TPRX1: variants seen among roughly 807,000 people sequenced by gnomAD.
TPRX1 encodes the protein tetrapeptide repeat homeobox 1, also known as tetra-peptide repeat homeobox protein 1.
A neutral mutation model predicts 8.1 loss-of-function variants in TPRX1; 2 were observed. The ratio of observed to expected loss-of-function variants is 0.25; its 90% CI spans 0.10 to 0.78. TPRX1 has a LOEUF of 0.78. Ranked by LOEUF, TPRX1 falls within the 30% of genes least tolerant of loss-of-function variation. The pLI, the probability that TPRX1 is intolerant of heterozygous loss-of-function variation, is 0.70. For synonymous variants in TPRX1, 257 were observed against 254.1 expected (o/e 1.01, Z -0.11); for missense variants, 517 against 586.9 (o/e 0.88, Z 1.23).
At chr19:47,802,270 G>A in exon 4 of TPRX1, 1 of 1,566,230 alleles carries the variant, frequency 6.4e-7, no homozygotes, top group Non-Finnish European at 8.7e-7. Context: ...TCAGGCCTGG[G>A]TTCGGGCCTG....
rs571556474 is a variant in TPRX1, at chr19:47,816,689, C to T, written c.151+1779G>A. On this transcript the variant is annotated intron_variant, in intron 2 of 3. Coordinates refer to ENST00000535759, the Ensembl canonical transcript of TPRX1. ...CTGGGACTACAGGCGCCCGCCACCACGCCCGGCTATTTTTTGTATTTTTTA... is the reference window on the plus strand; with the variant it reads ...CTGGGACTACAGGCGCCCGCCACCATGCCCGGCTATTTTTTGTATTTTTTA... Among the ~76,000 whole-genome samples the T allele has an allele frequency of 2.8e-3, 425 of 151,916 alleles. 1 individual carries two copies. The highest frequency in any genetic ancestry group is 5.1e-3 in the Non-Finnish European group (345 of 67,934).
intron 2 of TPRX1, among the ~76,000 whole-genome samples, 95 bp from the exon 1 acceptor site, chr19:47,804,646 C>G (rs2910401): frequency 0.042 from 6,182 of 148,662 alleles, 114 homozygotes; most frequent in Middle Eastern, 0.076. Context: ...GGGACCCTCC[C>G]TTTCCCACCC....
intron 2 of TPRX1, among the ~76,000 whole-genome samples, chr19:47,814,833 C>T (rs1380412734): frequency 6.6e-6 from 1 of 151,980 alleles, no homozygotes; most frequent in African/African-American, 2.4e-5. Flanking sequence ...GAGTTTCGCT[C>T]TTGTCGCCCA....
intron 2 of TPRX1, among the ~76,000 whole-genome samples, chr19:47,809,280 T>G (rs895026035): frequency 2.6e-5 from 4 of 152,128 alleles, no homozygotes; most frequent in Non-Finnish European, 5.9e-5. Context: ...TTCTTTTCTT[T>G]TTCTTTCCTT....
intron 2 of TPRX1, among the ~76,000 whole-genome samples, chr19:47,807,352 G>A (rs998223502): frequency 1.3e-5 from 2 of 151,904 alleles, no homozygotes; most frequent in Admixed American, 6.6e-5. Context: ...CAGCGTGCCC[G>A]GCCTGAATTG....
chr19:47,809,965 C>T (rs1283199413), intron 2 of TPRX1, among the ~76,000 whole-genome samples: 1 of 151,888 alleles, frequency 6.6e-6, no homozygotes, highest in Admixed American at 6.6e-5. Flanking sequence ...ATTATGAAAT[C>T]CATTCTTGGC....
chr19:47,806,146 C>G (rs928708739), intron 2 of TPRX1, among the ~76,000 whole-genome samples: 24 of 152,138 alleles, frequency 1.6e-4, no homozygotes, highest in Admixed American at 1.3e-3. Context: ...TGGTTGAACC[C>G]GGGAGGCGGA....
chr19:47,804,953 G>A (rs1273760225), intron 2 of TPRX1, among the ~76,000 whole-genome samples: 1 of 152,190 alleles, frequency 6.6e-6, no homozygotes, highest in African/African-American at 2.4e-5. Flanking sequence ...ACCAATGCCG[G>A]TGAGTCTACC....
At chr19:47,802,889 G>A (rs1307712537) in exon 4 of TPRX1, 1 of 1,579,632 alleles carries the variant, frequency 6.3e-7, no homozygotes, top group African/African-American at 1.3e-5. Flanking sequence ...CGCAGCGCGG[G>A]CTCCTCGGCC....
intron 2 of TPRX1, among the ~76,000 whole-genome samples, chr19:47,807,197 C>T (rs927032997): frequency 2.6e-5 from 4 of 152,172 alleles, no homozygotes; most frequent in Admixed American, 1.3e-4. Flanking sequence ...TGAAACACCG[C>T]GCCCGGCCAA....
chr19:47,802,147 T>TAAG (rs779066335), exon 4 of TPRX1: 1 of 1,592,622 alleles, frequency 6.3e-7, no homozygotes, highest in African/African-American at 1.3e-5. Context: ...GGCCAGGACT[T>TAAG]AAGATGGGAC....
intron 2 of TPRX1, among the ~76,000 whole-genome samples, chr19:47,806,332 G>A (rs1007200033): frequency 6.6e-6 from 1 of 152,024 alleles, no homozygotes; most frequent in East Asian, 1.9e-4. Flanking sequence ...CAGCTTGGTC[G>A]ACATGGTGAA....
intron 2 of TPRX1, among the ~76,000 whole-genome samples, chr19:47,814,229 T>A (rs927312733): frequency 2.0e-5 from 3 of 152,016 alleles, no homozygotes; most frequent in Non-Finnish European, 4.4e-5. Flanking sequence ...CATATTTTCG[T>A]ATTTCAGTAG....
intron 2 of TPRX1, among the ~76,000 whole-genome samples, chr19:47,806,357 A>G (rs1026604522): frequency 6.6e-6 from 1 of 152,062 alleles, no homozygotes; most frequent in African/African-American, 2.4e-5. Context: ...CGTCTCTACT[A>G]AAAATACAAA....
At chr19:47,818,554 A>G (rs1465516672) in intron 1 of TPRX1, 3 of 455,988 alleles carry the variant, frequency 6.6e-6, no homozygotes, top group East Asian at 1.4e-4. Flanking sequence ...AAGGGCAGAC[A>G]AGAAACAAGA....
chr19:47,804,576 C>T (rs1310675105), intron 2 of TPRX1, among the ~76,000 whole-genome samples, 25 bp from the exon 1 acceptor site: 1 of 152,230 alleles, frequency 6.6e-6, no homozygotes, highest in Non-Finnish European at 1.5e-5. Context: ...CAAGTGTGTA[C>T]TGACAAGGGC....
intron 3 of TPRX1, 81 bp downstream of exon 2, chr19:47,803,423 G>T (rs1967702372): frequency 4.1e-6 from 3 of 723,344 alleles, no homozygotes; most frequent in Non-Finnish European, 7.1e-6. Context: ...GTGGTCGGGC[G>T]GGCCAGGCCC....
chr19:47,809,500 C>T (rs1182150019), intron 2 of TPRX1, among the ~76,000 whole-genome samples: 2 of 152,002 alleles, frequency 1.3e-5, no homozygotes, highest in Non-Finnish European at 2.9e-5. Flanking sequence ...CCAGGCTGAC[C>T]TCTAACTCCT....
intron 2 of TPRX1, among the ~76,000 whole-genome samples, chr19:47,816,671 T>C (rs1355391080): frequency 6.6e-6 from 1 of 151,868 alleles, no homozygotes. Flanking sequence ...TAGCTGGGAC[T>C]ACAGGCGCCC....
Sources: allele counts gnomAD v4.1 joint callset (sites outside exome capture counted in the v4.1 genomes callset), GRCh38; gene constraint gnomAD v4.1.1; transcripts MANE v1.5; gene names NCBI Gene and HGNC (gene_info 2026-07-23, HGNC 2026-07-21).